Variants in PCM1 observed in about 807,000 individuals in gnomAD.
PCM1 encodes the protein pericentriolar material 1 protein.
PCM1 carries 157 observed loss-of-function variants against 241.9 expected under a neutral mutation model. The observed-to-expected ratio is 0.65, with a 90% CI of 0.57 to 0.74. PCM1 has a LOEUF of 0.74. Ranked by LOEUF, PCM1 falls within the 30% of genes least tolerant of loss-of-function variation. The probability of loss-of-function intolerance (pLI) is 0.00; values close to 1 mark genes in which losing one functional copy is unlikely to be tolerated. For synonymous variants in PCM1, 1,085 were observed against 784.9 expected (o/e 1.38, Z -6.39); for missense variants, 3,478 against 2,360.1 (o/e 1.47, Z -9.81).
intron 38 of PCM1, among the ~76,000 whole-genome samples, chr8:18,026,166 AAAC>A (rs1455962000): frequency 0.41 from 1,284 of 3,144 alleles, 457 homozygotes; most frequent in South Asian, 0.63. Flanking sequence ...TCCCTCTCTG[AAAC>A]AAAAAAAAAA....
chr8:17,931,046 G>C (rs2129447276), intron 2 of PCM1, among the ~76,000 whole-genome samples: 1 of 152,300 alleles, frequency 6.6e-6, no homozygotes, highest in South Asian at 2.1e-4. Flanking sequence ...AACAGTGGAT[G>C]AAATTGTTCA....
intron 29 of PCM1, among the ~76,000 whole-genome samples, chr8:18,000,229 A>G (rs779029448): frequency 2.0e-5 from 3 of 152,204 alleles, no homozygotes; most frequent in Admixed American, 6.5e-5. Context: ...GGGAAAGTCT[A>G]TATGGTTGGA....
chr8:17,994,143 G>T (rs1331897978), intron 29 of PCM1, among the ~76,000 whole-genome samples: 1 of 151,986 alleles, frequency 6.6e-6, no homozygotes, highest in Admixed American at 6.6e-5. Context: ...CATTCATTCT[G>T]ACTACTTTTT....
chr8:18,001,863 G>A (rs2089546508), intron 29 of PCM1, among the ~76,000 whole-genome samples: 1 of 151,990 alleles, frequency 6.6e-6, no homozygotes, highest in Non-Finnish European at 1.5e-5. Flanking sequence ...TGACTTTACA[G>A]CTGAGAGGAA....
At chr8:17,930,135 G>C (rs1303488266) in intron 2 of PCM1, among the ~76,000 whole-genome samples, 4 of 132,734 alleles carry the variant, frequency 3.0e-5, no homozygotes, top group Admixed American at 8.7e-5. Flanking sequence ...ACAGAGTCTC[G>C]CTCTTCCGCC....
intron 15 of PCM1, among the ~76,000 whole-genome samples, chr8:17,961,547 G>A (rs1175842014): frequency 2.0e-5 from 3 of 152,154 alleles, no homozygotes; most frequent in Non-Finnish European, 2.9e-5. Flanking sequence ...TCCTGCCGTC[G>A]TGATCCGCCC....
chr8:18,005,357 GT>G (rs57492553), intron 29 of PCM1, among the ~76,000 whole-genome samples: 79 of 141,262 alleles, frequency 5.6e-4, no homozygotes, highest in East Asian at 1.9e-3. Context: ...TGTTGTTGTT[GT>G]TTTTTTTTTT....
rs2061482248 is a variant in PCM1 at position 17,939,724 on chromosome 8, A to G, written c.646A>G (p.Ile216Val). 3.2e-6 allele frequency: 5 copies of G among 1,548,070 alleles called. No homozygotes were observed. The highest frequency in any genetic ancestry group is 2.7e-5 in the African/African-American group (2 of 73,082). The change falls in exon 6 of 39, where the codon ATT (isoleucine) becomes GTT (valine). Residue 216 changes from isoleucine to valine, a missense_variant. Coordinates refer to ENST00000325083, the MANE Select transcript of PCM1 (RefSeq NM_006197.4). ...CAGGCTTGTTCAAATTCGCGATTAT[A>G]TTACTAAAGCTAGTTCCATGCGGGA... ...VSRLVQIRDY[I>V]TKASSMREDL...
At chr8:17,924,543 TTTTCCA>T (rs1224468125) in intron 1 of PCM1, among the ~76,000 whole-genome samples, 164 bp from the exon 2 acceptor site, 1 of 152,214 alleles carries the variant, frequency 6.6e-6, no homozygotes, top group African/African-American at 2.4e-5. Flanking sequence ...TATCACACTA[TTTTCCA>T]AAAGAATTGA....
At chr8:17,923,564 G>A (rs1410686819) in intron 1 of PCM1, among the ~76,000 whole-genome samples, 2 of 152,134 alleles carry the variant, frequency 1.3e-5, no homozygotes, top group Non-Finnish European at 2.9e-5. Flanking sequence ...TAGGGGCACT[G>A]GGTCGAGTTC....
At position 18,029,905 on chromosome 8, in the gene PCM1, G is replaced by A. The variant is rs2285312; in HGVS notation, c.*2243G>A. 0.092 allele frequency: 17,485 copies of A among 189,086 alleles called. 1,278 individuals are homozygous for A. Among genetic ancestry groups the A allele is most frequent in the East Asian group, 0.33 (3,848 of 11,722 alleles). The allele number at this position is 189,086 out of a possible 1,614,324, so 11.7% of individuals were successfully genotyped here. ...TTGTATTTTGTAACATTGACTTTGG[G>A]TAAATGCTTTTTCACTGTTAATAAA... On this transcript the variant is annotated 3_prime_UTR_variant, in exon 39 of 39. Transcript: ENST00000325083.
chr8:17,944,533 A>T (rs1272748785), intron 6 of PCM1, among the ~76,000 whole-genome samples: 1 of 152,176 alleles, frequency 6.6e-6, no homozygotes, highest in Non-Finnish European at 1.5e-5. Context: ...TTGATGCCTA[A>T]GTTATTTTTT....
intron 2 of PCM1, among the ~76,000 whole-genome samples, chr8:17,934,422 C>G (rs879591382): frequency 5.9e-5 from 9 of 152,000 alleles, no homozygotes; most frequent in Admixed American, 2.6e-4. Context: ...CCACCACACC[C>G]GGCTAATTTT....
At chr8:18,023,878 G>A (rs1207268745) in intron 36 of PCM1, among the ~76,000 whole-genome samples, 1 of 152,158 alleles carries the variant, frequency 6.6e-6, no homozygotes, top group Admixed American at 6.5e-5. Context: ...CATAACTTTT[G>A]ATGATAACAA....
chr8:17,962,190 C>T lies in PCM1; in HGVS notation c.2463+16C>T. ...AGATAATGAGGTATTGTAAATTGTA[C>T]TCTCTTGTTCCTGAGTTAGTCTTTT... On this transcript the variant is annotated intron_variant, in intron 16 of 38. Transcript: ENST00000325083. 1 of 1,585,052 alleles carries T rather than the reference C, an allele frequency of 6.3e-7. No homozygotes were observed. The highest frequency in any genetic ancestry group is 1.3e-5 in the African/African-American group (1 of 74,666).
chr8:17,977,048 T>C (rs1267774387), intron 23 of PCM1, among the ~76,000 whole-genome samples: 4 of 152,226 alleles, frequency 2.6e-5, no homozygotes, highest in Non-Finnish European at 5.9e-5. Flanking sequence ...AATTTATTCA[T>C]CACTTTTCAT....
At position 18,006,411 on chromosome 8, in the gene PCM1, C is replaced by T. The variant is rs377493504; in HGVS notation, c.4962+14C>T. 6.1e-4 allele frequency: 964 copies of T among 1,584,144 alleles called. No individual in the cohort carries two copies. Among genetic ancestry groups the T allele is most frequent in the Admixed American group, 9.5e-4 (57 of 59,830 alleles). On this transcript the variant is annotated intron_variant, in intron 30 of 38. Coordinates refer to ENST00000325083, the MANE Select transcript of PCM1 (RefSeq NM_006197.4). ...AGTATATTACAGGTAAGAGTTTATA[C>T]TTGTATGATTTACCAATATGTACTG...
At chr8:18,015,002 T>C (rs1031500090) in intron 36 of PCM1, among the ~76,000 whole-genome samples, 162 bp downstream of exon 36, 2 of 152,218 alleles carry the variant, frequency 1.3e-5, no homozygotes, top group Non-Finnish European at 2.9e-5. Context: ...AGAAGGGTAA[T>C]AGTGAATTAA....
intron 24 of PCM1, among the ~76,000 whole-genome samples, chr8:17,981,466 G>T (rs1430628308): frequency 6.6e-6 from 1 of 151,906 alleles, no homozygotes; most frequent in East Asian, 1.9e-4. Flanking sequence ...TCACTTTTTT[G>T]AGTCCCTTGG....
Sources: allele counts gnomAD v4.1 joint callset (sites outside exome capture counted in the v4.1 genomes callset), GRCh38; gene constraint gnomAD v4.1.1; transcripts MANE v1.5; gene names NCBI Gene and HGNC (gene_info 2026-07-23, HGNC 2026-07-21).